Variants in SETBP1 observed in about 807,000 individuals in gnomAD.
The protein encoded by SETBP1 is SET-binding protein.
In SETBP1, 9 loss-of-function variants were observed where a neutral mutation model predicts 101.0. That is an observed-to-expected ratio of 0.09 (90% CI 0.05 to 0.16). SETBP1 has a LOEUF of 0.16. Ranked by LOEUF, SETBP1 falls within the 10% of genes least tolerant of loss-of-function variation. The probability of loss-of-function intolerance (pLI) is 1.00; values close to 1 mark genes in which losing one functional copy is unlikely to be tolerated. For missense variants in SETBP1, 1,858 were observed against 2,033.8 expected, an observed-to-expected ratio of 0.91 and a Z score of 1.66; for synonymous variants, 818 against 788.5, an observed-to-expected ratio of 1.04 and a Z score of -0.63.
intron 2 of SETBP1, among the ~76,000 whole-genome samples, chr18:44,753,632 C>G (rs1366987469): frequency 6.6e-6 from 1 of 152,224 alleles, no homozygotes. Context: ...CTGCCAAGAC[C>G]ATGAATGACC....
At chr18:44,717,664 A>C (rs2069495624) in intron 2 of SETBP1, among the ~76,000 whole-genome samples, 1 of 152,254 alleles carries the variant, frequency 6.6e-6, no homozygotes, top group African/African-American at 2.4e-5. Flanking sequence ...TGAATGCACT[A>C]AATTGGTAAA....
chr18:44,699,135 T>C (rs559880757), intron 1 of SETBP1, among the ~76,000 whole-genome samples: 5 of 152,336 alleles, frequency 3.3e-5, no homozygotes, highest in Non-Finnish European at 5.9e-5. Flanking sequence ...TTAGGAAATT[T>C]GTATGTATAT....
chr18:44,737,728 C>T (rs1313479097), intron 2 of SETBP1, among the ~76,000 whole-genome samples: 6 of 152,158 alleles, frequency 3.9e-5, no homozygotes, highest in African/African-American at 7.2e-5. Flanking sequence ...CCTTTGTAGG[C>T]AGTGAGTTTC....
intron 2 of SETBP1, among the ~76,000 whole-genome samples, chr18:44,768,721 C>T (rs1049903835): frequency 1.3e-5 from 2 of 152,150 alleles, no homozygotes; most frequent in African/African-American, 4.8e-5. Context: ...CCTACAATTC[C>T]TGAATTGTTG....
At chr18:44,830,305 G>A (rs2072333866) in intron 2 of SETBP1, among the ~76,000 whole-genome samples, 1 of 152,170 alleles carries the variant, frequency 6.6e-6, no homozygotes, top group Non-Finnish European at 1.5e-5. Flanking sequence ...AGTCTCTTTG[G>A]GAAGTGCTGC....
At chr18:44,825,367 C>T (rs538082040) in intron 2 of SETBP1, among the ~76,000 whole-genome samples, 1 of 152,146 alleles carries the variant, frequency 6.6e-6, no homozygotes, top group South Asian at 2.1e-4. Context: ...TCTTATATGA[C>T]AGTTTTTGTT....
At chr18:44,689,810 T>A (rs1486175253) in intron 1 of SETBP1, among the ~76,000 whole-genome samples, 1 of 152,186 alleles carries the variant, frequency 6.6e-6, no homozygotes, top group Admixed American at 6.5e-5. Context: ...CAGTTCAGCA[T>A]AGGGCTCTGT....
At chr18:44,862,192 G>C (rs572799317) in intron 2 of SETBP1, among the ~76,000 whole-genome samples, 1 of 152,198 alleles carries the variant, frequency 6.6e-6, no homozygotes, top group African/African-American at 2.4e-5. Context: ...CATATCTGGG[G>C]GATTTTGTTA....
chr18:44,751,766 C>T (rs937830828), intron 2 of SETBP1, among the ~76,000 whole-genome samples: 2 of 152,174 alleles, frequency 1.3e-5, no homozygotes, highest in South Asian at 4.1e-4. Context: ...TCTTCTCAGG[C>T]TGCTATAACA....
At chr18:44,727,912 C>G (rs1404933856) in intron 2 of SETBP1, among the ~76,000 whole-genome samples, 2 of 152,126 alleles carry the variant, frequency 1.3e-5, no homozygotes, top group African/African-American at 4.8e-5. Context: ...ACACTTTGCT[C>G]AGAACCCAAA....
At chr18:44,962,889 G>T (rs919478104) in intron 4 of SETBP1, among the ~76,000 whole-genome samples, 1 of 152,114 alleles carries the variant, frequency 6.6e-6, no homozygotes, top group Non-Finnish European at 1.5e-5. Context: ...GTTGATGGAG[G>T]ATCTGAGGAC....
intron 4 of SETBP1, among the ~76,000 whole-genome samples, chr18:44,989,909 T>TAAAAAAAAAAAAAC (rs2072327555): frequency 3.9e-5 from 1 of 25,910 alleles, no homozygotes; most frequent in Admixed American, 4.6e-4. Context: ...AAAAAAAAAT[T>TAAAAAAAAAAAAAC]TATCTAAGTG....
At chr18:44,856,203 T>C (rs1430128991) in intron 2 of SETBP1, among the ~76,000 whole-genome samples, 1 of 151,986 alleles carries the variant, frequency 6.6e-6, no homozygotes. Flanking sequence ...TGCATAAAGG[T>C]AGAACTTGTT....
At chr18:44,948,036 G>A (rs985037224) in intron 3 of SETBP1, among the ~76,000 whole-genome samples, 2 of 152,096 alleles carry the variant, frequency 1.3e-5, no homozygotes, top group Admixed American at 6.5e-5. Context: ...TTTATGCCAC[G>A]AATAAGATTT....
chr18:44,879,367 C>G (rs1356339866), intron 3 of SETBP1, among the ~76,000 whole-genome samples: 2 of 152,020 alleles, frequency 1.3e-5, no homozygotes, highest in Non-Finnish European at 2.9e-5. Context: ...CAGAGTCATC[C>G]TTAGTAGAGG....
chr18:44,929,378 A>C (rs2070774515), intron 3 of SETBP1, among the ~76,000 whole-genome samples: 1 of 152,216 alleles, frequency 6.6e-6, no homozygotes, highest in African/African-American at 2.4e-5. Flanking sequence ...TGATGCCTCC[A>C]GCTTTGTTCT....
intron 4 of SETBP1, among the ~76,000 whole-genome samples, chr18:44,991,580 G>C (rs1384893387): frequency 6.6e-6 from 1 of 152,086 alleles, no homozygotes; most frequent in Non-Finnish European, 1.5e-5. Context: ...AGAATGTTCA[G>C]TTAAAACCAA....
intron 4 of SETBP1, among the ~76,000 whole-genome samples, chr18:45,009,511 TCA>T (rs2072795183): frequency 6.6e-6 from 1 of 151,964 alleles, no homozygotes; most frequent in African/African-American, 2.4e-5. Flanking sequence ...GGATTTTTTT[TCA>T]CTTTTGTTGT....
intron 2 of SETBP1, among the ~76,000 whole-genome samples, chr18:44,847,458 TG>T (rs1403493676): frequency 6.6e-6 from 1 of 152,084 alleles, no homozygotes; most frequent in Admixed American, 6.5e-5. Flanking sequence ...CAGAAGAACA[TG>T]GGGGTCAGTG....
Sources: allele counts gnomAD v4.1 joint callset (sites outside exome capture counted in the v4.1 genomes callset), GRCh38; gene constraint gnomAD v4.1.1; transcripts MANE v1.5; gene names NCBI Gene and HGNC (gene_info 2026-07-23, HGNC 2026-07-21).